Variants in ARPC2 observed in about 807,000 individuals in gnomAD.
ARPC2 encodes actin-related protein 2/3 complex subunit 2.
ARPC2 carries 4 observed loss-of-function variants against 38.6 expected under a neutral mutation model. That is an observed-to-expected ratio of 0.10 (90% CI 0.05 to 0.24). The LOEUF is 0.24. Among genes scored for constraint, ARPC2 ranks in the 10% least tolerant of loss-of-function variants. The pLI is 1.00. For synonymous variants in ARPC2, 125 were observed against 140.8 expected, an observed-to-expected ratio of 0.89 and a Z score of 0.79; for missense variants, 229 against 387.3, an observed-to-expected ratio of 0.59 and a Z score of 3.43.
intron 6 of ARPC2, 25 bp from the exon 7 acceptor site, chr2:218,239,366 T>G: frequency 6.5e-7 from 1 of 1,535,632 alleles, no homozygotes; most frequent in African/African-American, 1.4e-5. Flanking sequence ...TCTGTACTTA[T>G]CCTCATGGAT....
chr2:218,225,840 C>A, intron 2 of ARPC2, 80 bp from the exon 3 acceptor site: 2 of 1,335,924 alleles, frequency 1.5e-6, no homozygotes, highest in Non-Finnish European at 2.2e-6. Flanking sequence ...TTAAGTGAAG[C>A]TCAGGTGCCT....
chr2:218,231,994 C>T (rs1394036758), intron 4 of ARPC2, among the ~76,000 whole-genome samples: 1 of 152,112 alleles, frequency 6.6e-6, no homozygotes, highest in Non-Finnish European at 1.5e-5. Context: ...AATCCCAGCA[C>T]TTTGGGAGGC....
At chr2:218,236,552 G>A (rs944174837) in intron 5 of ARPC2, 6 of 152,074 alleles carry the variant, frequency 3.9e-5, no homozygotes, top group East Asian at 1.9e-4. Flanking sequence ...CAGCACTATC[G>A]GAGGCCAGGG....
At chr2:218,253,165 G>A (rs538129058) in intron 10 of ARPC2, 74 of 357,978 alleles carry the variant, frequency 2.1e-4, no homozygotes, top group Admixed American at 3.4e-4. Flanking sequence ...TGGAATAAGC[G>A]ATACATCCAA....
At chr2:218,219,665 T>C (rs954913607) in intron 2 of ARPC2, among the ~76,000 whole-genome samples, 1 of 152,170 alleles carries the variant, frequency 6.6e-6, no homozygotes, top group African/African-American at 2.4e-5. Context: ...TACAAAGATA[T>C]GCATTGTAGG....
At chr2:218,231,558 T>A (rs1559478114) in intron 4 of ARPC2, among the ~76,000 whole-genome samples, 3 of 152,178 alleles carry the variant, frequency 2.0e-5, no homozygotes. Context: ...TACTTTTTTT[T>A]AAAGAAGTGG....
At chr2:218,223,518 T>C (rs1300917233) in intron 2 of ARPC2, among the ~76,000 whole-genome samples, 1 of 152,210 alleles carries the variant, frequency 6.6e-6, no homozygotes, top group Non-Finnish European at 1.5e-5. Context: ...TTCAGTGCTA[T>C]CCACACTTTT....
intron 10 of ARPC2, 97 bp from the exon 11 acceptor site, chr2:218,253,794 T>G: frequency 2.4e-5 from 33 of 1,398,678 alleles, no homozygotes; most frequent in South Asian, 4.2e-5. Context: ...CCACCTCTCA[T>G]TTGGTGTTTC....
chr2:218,251,642 G>T (rs1286223433), intron 10 of ARPC2, among the ~76,000 whole-genome samples: 1 of 151,632 alleles, frequency 6.6e-6, no homozygotes, highest in African/African-American at 2.4e-5. Flanking sequence ...TTGTAGAGAC[G>T]GGATTTCACC....
chr2:218,240,257 A>T (rs1435315722), intron 7 of ARPC2, among the ~76,000 whole-genome samples: 1 of 151,982 alleles, frequency 6.6e-6, no homozygotes, highest in African/African-American at 2.4e-5. Flanking sequence ...CCAGCCTGAT[A>T]TTTTTTTTCT....
At chr2:218,227,526 A>C (rs867687348) in intron 3 of ARPC2, among the ~76,000 whole-genome samples, 1 of 151,588 alleles carries the variant, frequency 6.6e-6, no homozygotes, top group African/African-American at 2.4e-5. Flanking sequence ...CCCCGAGTTC[A>C]AGCGATTCTC....
intron 2 of ARPC2, among the ~76,000 whole-genome samples, chr2:218,224,494 T>C (rs1195636017): frequency 6.6e-6 from 1 of 152,250 alleles, no homozygotes; most frequent in African/African-American, 2.4e-5. Flanking sequence ...TCCATATTTT[T>C]GTTCTTTGCT....
In ARPC2 at chr2:218,228,893, C is replaced by T. The variant is rs531532334; in HGVS notation, c.222+43C>T. ...TTCCTTGGGACTCTTGTTTCCTCAC[C>T]TTTCATTGGCAGTTTGCCATTCATG... On this transcript the variant is annotated intron_variant, in intron 4 of 10. Coordinates refer to ENST00000315717, the MANE Select transcript of ARPC2 (RefSeq NM_152862.3). 11 of 1,298,846 alleles carry T rather than the reference C, an allele frequency of 8.5e-6. No homozygotes were observed. In the South Asian group the frequency reaches 1.1e-4, roughly 13 times the overall value. The allele number at this position is 1,298,846 out of a possible 1,614,324, so 80.5% of individuals were successfully genotyped here.
intron 2 of ARPC2, among the ~76,000 whole-genome samples, chr2:218,221,908 A>T (rs1002691704): frequency 2.2e-4 from 33 of 152,342 alleles, no homozygotes; most frequent in Non-Finnish European, 4.4e-4. Flanking sequence ...TAGTGAGCAG[A>T]ATTCAGTAAT....
chr2:218,231,794 T>C (rs1246358701), intron 4 of ARPC2, among the ~76,000 whole-genome samples: 1 of 152,212 alleles, frequency 6.6e-6, no homozygotes, highest in Non-Finnish European at 1.5e-5. Context: ...GTTAAATAAA[T>C]ATGTGGAATA....
At chr2:218,228,880 C>CTT in intron 4 of ARPC2, 30 bp downstream of exon 4, 3 of 1,396,236 alleles carry the variant, frequency 2.1e-6, no homozygotes, top group Non-Finnish European at 2.0e-6. Context: ...CCTTGGGACT[C>CTT]TTGTTTCCTC....
intron 5 of ARPC2, chr2:218,236,643 T>G (rs1689777469): frequency 6.6e-6 from 1 of 152,022 alleles, no homozygotes; most frequent in Non-Finnish European, 1.5e-5. Context: ...AAGTACAAAA[T>G]TAGCCAGGCC....
chr2:218,242,799 T>A lies in ARPC2; in HGVS notation c.550-2621T>A, dbSNP rs184390085. Among the ~76,000 whole-genome samples the A allele has an allele frequency of 5.3e-5, 8 of 152,334 alleles. No homozygotes were observed. In the East Asian group the frequency reaches 9.6e-4, roughly 18 times the overall value. ...TTTTCTTATGAAGTGTCTCTTTATG[T>A]CCTTTACCCATTATTCTGTAGGGTC... is the stretch of plus-strand genomic sequence containing the variant. On this transcript the variant is annotated intron_variant, in intron 7 of 10. Coordinates refer to ENST00000315717, the MANE Select transcript of ARPC2 (RefSeq NM_152862.3).
chr2:218,222,963 GGGTAAAT>G (rs1689418277), intron 2 of ARPC2, among the ~76,000 whole-genome samples: 1 of 152,112 alleles, frequency 6.6e-6, no homozygotes, highest in South Asian at 2.1e-4. Context: ...TGGCACATTT[GGGTAAAT>G]GGTCTAGCCT....
Sources: gnomAD v4.1 joint callset for allele counts (sites outside exome capture counted in the v4.1 genomes callset) on GRCh38, gnomAD v4.1.1 for gene constraint, MANE v1.5 for transcripts, NCBI Gene and HGNC (gene_info 2026-07-23, HGNC 2026-07-21) for gene names.